Variants in DOCK1 observed in about 807,000 individuals in gnomAD.
DOCK1 encodes dedicator of cytokinesis 1.
DOCK1 carries 138 observed loss-of-function variants against 262.7 expected under a neutral mutation model. The ratio of observed to expected loss-of-function variants is 0.53; its 90% CI spans 0.46 to 0.61. DOCK1 has a LOEUF of 0.61. Ranked by LOEUF, DOCK1 falls within the 20% of genes least tolerant of loss-of-function variation. The pLI is 0.00. For synonymous variants in DOCK1, 866 were observed against 867.4 expected (o/e 1.00, Z 0.03); for missense variants, 1,908 against 2,370.7 (o/e 0.80, Z 4.05).
Position 127,176,070 on chromosome 10 carries a change from G to C in DOCK1, c.2847+48306G>C. The C allele has an allele frequency of 1.2e-6, 2 of 1,614,044 alleles. No individual in the cohort carries two copies. Among genetic ancestry groups the C allele is most frequent in the South Asian group, 2.2e-5 (2 of 91,074 alleles). On this transcript the variant is annotated intron_variant, in intron 27 of 51. Coordinates refer to ENST00000623213, the MANE Select transcript of DOCK1 (RefSeq NM_001290223.2). This position sits in a 1 kb window ranked among gnomAD's most constrained non-coding sequence, Gnocchi z 4.4. ...CGTCTGGTAACACTTCTTAAGGTCG[G>C]GCGAGGTCTGCACGCCTGTGCTCTT...
chr10:127,023,065 T>A, intron 13 of DOCK1, 135 bp from the exon 14 acceptor site: 3 of 1,102,526 alleles, frequency 2.7e-6, no homozygotes, highest in Non-Finnish European at 3.8e-6. Flanking sequence ...TGAGACTGTT[T>A]TGTAGAAAAT....
At chr10:127,190,988 C>T (rs1271494436) in intron 27 of DOCK1, among the ~76,000 whole-genome samples, 3 of 152,088 alleles carry the variant, frequency 2.0e-5, no homozygotes, top group African/African-American at 7.2e-5. Flanking sequence ...CCCTCTTGCC[C>T]TGCTGGTTCC....
chr10:127,328,787 C>T (rs951641984), intron 29 of DOCK1, among the ~76,000 whole-genome samples: 8 of 152,028 alleles, frequency 5.3e-5, no homozygotes, highest in African/African-American at 7.3e-5. Flanking sequence ...TTCTTATTCC[C>T]GGGTTGTTTT....
At chr10:127,208,700 G>A (rs549750978) in intron 27 of DOCK1, among the ~76,000 whole-genome samples, 2 of 152,174 alleles carry the variant, frequency 1.3e-5, no homozygotes, top group Non-Finnish European at 2.9e-5. Context: ...ATGTGACATA[G>A]TGAACATTGA....
chr10:127,279,788 G>A lies in DOCK1; in HGVS notation c.3044+22359G>A, dbSNP rs375153583. Among the ~76,000 whole-genome samples the A allele has an allele frequency of 5.9e-5, 9 of 151,930 alleles. No homozygotes were observed. In the East Asian group the frequency reaches 1.6e-3, roughly 26 times the overall value. On this transcript the variant is annotated intron_variant, in intron 29 of 51. Transcript: ENST00000623213. ...TTCAGTTCCCGAGGCTGGTGCCCTCGGCAAGAATGGGAGAGCCTGGTAATT... is the reference window on the plus strand; with the variant it reads ...TTCAGTTCCCGAGGCTGGTGCCCTCAGCAAGAATGGGAGAGCCTGGTAATT...
At chr10:127,395,593 G>A (rs1476924671) in intron 38 of DOCK1, among the ~76,000 whole-genome samples, 6 of 152,314 alleles carry the variant, frequency 3.9e-5, no homozygotes, top group Middle Eastern at 3.4e-3. Flanking sequence ...TGGAAATTTC[G>A]TGAAAGTAGA....
intron 43 of DOCK1, among the ~76,000 whole-genome samples, chr10:127,412,354 A>G (rs1395552811): frequency 6.6e-6 from 1 of 152,118 alleles, no homozygotes; most frequent in African/African-American, 2.4e-5. Flanking sequence ...GGTGGGGTCT[A>G]TGTTGCTCAG....
chr10:127,178,571 C>T (rs1307988448), intron 27 of DOCK1, among the ~76,000 whole-genome samples: 1 of 152,160 alleles, frequency 6.6e-6, no homozygotes, highest in Non-Finnish European at 1.5e-5. Flanking sequence ...CTGGATGCCT[C>T]GGGCTCTTGT....
intron 46 of DOCK1, among the ~76,000 whole-genome samples, chr10:127,422,575 G>T (rs1336506612): frequency 9.2e-5 from 14 of 152,122 alleles, no homozygotes; most frequent in African/African-American, 3.4e-4. Flanking sequence ...TCACAAATCT[G>T]CATTTGAAAT....
At chr10:127,004,878 CCA>C (rs763384417) in intron 10 of DOCK1, among the ~76,000 whole-genome samples, 158 of 151,830 alleles carry the variant, frequency 1.0e-3, no homozygotes, top group Non-Finnish European at 1.8e-3. Context: ...TCACTATGGG[CCA>C]CTCAGTGACT....
At chr10:127,425,852 T>G in intron 46 of DOCK1, 22 bp from the exon 47 acceptor site, 1 of 1,613,850 alleles carries the variant, frequency 6.2e-7, no homozygotes, top group Non-Finnish European at 8.5e-7. Context: ...AAATAAGGAA[T>G]GTCAACCTCT....
intron 40 of DOCK1, among the ~76,000 whole-genome samples, chr10:127,404,881 C>G (rs556392102): frequency 6.6e-6 from 1 of 152,218 alleles, no homozygotes; most frequent in African/African-American, 2.4e-5. Flanking sequence ...CAGCAGCCAC[C>G]GTTCTACTTT....
intron 10 of DOCK1, among the ~76,000 whole-genome samples, chr10:127,003,012 A>G (rs2040705950): frequency 1.3e-5 from 2 of 152,262 alleles, no homozygotes; most frequent in Non-Finnish European, 2.9e-5. Flanking sequence ...AGGGGTTGCA[A>G]AGAACCTGTG....
intron 1 of DOCK1, among the ~76,000 whole-genome samples, chr10:126,932,567 C>CT (rs1170154360): frequency 6.6e-6 from 1 of 152,122 alleles, no homozygotes; most frequent in African/African-American, 2.4e-5. Flanking sequence ...GTGTGGGACT[C>CT]TGTCTTGGAG....
chr10:127,060,799 A>C (rs985004219), intron 22 of DOCK1, among the ~76,000 whole-genome samples: 8 of 152,268 alleles, frequency 5.3e-5, no homozygotes, highest in Non-Finnish European at 1.0e-4. Flanking sequence ...TGTTGAAATG[A>C]ATGCGTTTGT....
chr10:127,179,430 A>C (rs930012846), intron 27 of DOCK1, among the ~76,000 whole-genome samples: 10 of 152,348 alleles, frequency 6.6e-5, no homozygotes, highest in African/African-American at 2.4e-4. Flanking sequence ...TTGCTGACTT[A>C]AAAAACAGTA....
chr10:127,018,181 C>T (rs9418787), intron 12 of DOCK1, among the ~76,000 whole-genome samples: 22,536 of 152,220 alleles, frequency 0.15, 1,939 homozygotes, highest in South Asian at 0.23. Flanking sequence ...GTCCTGGCTG[C>T]GGAGGGCTGT....
At chr10:127,355,493 G>T (rs2064102391) in intron 32 of DOCK1, among the ~76,000 whole-genome samples, 1 of 152,120 alleles carries the variant, frequency 6.6e-6, no homozygotes, top group Non-Finnish European at 1.5e-5. Flanking sequence ...TAGGCCATGG[G>T]GTGCTGGTGG....
intron 5 of DOCK1, chr10:126,988,003 AT>A (rs5788814): frequency 0.36 from 48,816 of 135,040 alleles, 7,883 homozygotes; most frequent in Middle Eastern, 0.44. Context: ...GGCAATTACT[AT>A]TTTTTTTTTT....
Sources: allele counts gnomAD v4.1 joint callset (sites outside exome capture counted in the v4.1 genomes callset), GRCh38; gene constraint gnomAD v4.1.1; non-coding constraint Gnocchi (gnomAD v3.1); transcripts MANE v1.5; gene names NCBI Gene and HGNC (gene_info 2026-07-23, HGNC 2026-07-21).